The following SP100 variants were observed in gnomAD, a reference collection of about 807,000 sequenced individuals.
The protein encoded by SP100 is nuclear autoantigen Sp-100.
Under a neutral mutation model 130.0 loss-of-function variants are expected in SP100, and 84 were observed. That is an observed-to-expected ratio of 0.65 (90% CI 0.54 to 0.77). SP100 has a LOEUF of 0.77. Among genes scored for constraint, SP100 ranks in the 30% least tolerant of loss-of-function variants. The pLI is 0.00. For missense variants in SP100, 978 were observed against 1,052.2 expected (o/e 0.93, Z 0.97); for synonymous variants, 331 against 351.7 (o/e 0.94, Z 0.66).
intron 2 of SP100, among the ~76,000 whole-genome samples, chr2:230,438,077 C>T (rs1333468008): frequency 6.6e-6 from 1 of 152,022 alleles, no homozygotes; most frequent in Non-Finnish European, 1.5e-5. Flanking sequence ...CAGTTGCATA[C>T]CATAACTTGC....
intron 14 of SP100, 190 bp from the exon 15 acceptor site, chr2:230,469,825 C>T (rs1403539679): frequency 6.7e-7 from 1 of 1,495,778 alleles, no homozygotes; most frequent in South Asian, 1.2e-5. Flanking sequence ...CAGCCCCAGC[C>T]TCAGAGAGGG....
At chr2:230,496,350 A>G (rs1575743074) in intron 18 of SP100, among the ~76,000 whole-genome samples, 2 of 152,188 alleles carry the variant, frequency 1.3e-5, no homozygotes, top group South Asian at 2.1e-4. Flanking sequence ...GTGAGCTGAT[A>G]TAATATTAAA....
At chr2:230,519,898 T>C (rs1248365367) in intron 24 of SP100, among the ~76,000 whole-genome samples, 30 of 152,194 alleles carry the variant, frequency 2.0e-4, no homozygotes, top group Non-Finnish European at 1.0e-4. Context: ...ATCTAAGTAC[T>C]TGCAAGAAGA....
In SP100 at chr2:230,445,846, G is replaced by A. The variant is rs148901272; in HGVS notation, c.440-973G>A. Among the ~76,000 whole-genome samples the A allele has an allele frequency of 2.7e-3, 410 of 152,094 alleles. 1 individual carries two copies. The highest frequency in any genetic ancestry group is 0.014 in the Middle Eastern group (4 of 294). ...CACAACTCACGTCTTAGTTTCTGGCGCTCCTTGTGCTTGGGTGACCTGCCC... is the reference window on the plus strand; with the variant it reads ...CACAACTCACGTCTTAGTTTCTGGCACTCCTTGTGCTTGGGTGACCTGCCC... On this transcript the variant is annotated intron_variant, in intron 4 of 28. Coordinates refer to ENST00000340126, the MANE Select transcript of SP100 (RefSeq NM_001080391.2).
At chr2:230,480,631 G>A (rs780859626) in intron 17 of SP100, among the ~76,000 whole-genome samples, 39 of 152,190 alleles carry the variant, frequency 2.6e-4, no homozygotes, top group Non-Finnish European at 4.6e-4. Flanking sequence ...GGGGGTAGAC[G>A]GCAGGTGTGT....
intron 24 of SP100, among the ~76,000 whole-genome samples, chr2:230,522,575 G>T (rs766081853): frequency 1.5e-5 from 2 of 134,834 alleles, no homozygotes; most frequent in African/African-American, 5.7e-5. Context: ...TGCTACCTCT[G>T]CCTCCTGGGT....
chr2:230,475,881 G>T (rs1454767885), intron 17 of SP100, among the ~76,000 whole-genome samples: 1 of 152,138 alleles, frequency 6.6e-6, no homozygotes, highest in Non-Finnish European at 1.5e-5. Flanking sequence ...TCTCTGTTCT[G>T]TTCCACTGGT....
At chr2:230,539,420 C>T in intron 25 of SP100, 38 bp downstream of exon 25, 1 of 1,428,650 alleles carries the variant, frequency 7.0e-7, no homozygotes, top group South Asian at 1.1e-5. Context: ...GCCCTTCCTT[C>T]TTGTGGTACA....
rs761555514 is a variant in SP100, at chr2:230,504,308, T to G, written c.1870+18T>G. 1 of 1,390,638 alleles carries G rather than the reference T, an allele frequency of 7.2e-7. No individual in the cohort carries two copies. 86.1% of individuals were successfully genotyped at this position (1,390,638 alleles called of 1,614,324 possible). Reference sequence around the variant, plus strand: ...CAAACAAGGTGAGTTTACTGGTCCATCTACGATTTTCAGCTGGAAAATATC... The same window carrying G: ...CAAACAAGGTGAGTTTACTGGTCCAGCTACGATTTTCAGCTGGAAAATATC... On this transcript the variant is annotated intron_variant, in intron 21 of 28. Coordinates refer to ENST00000340126, the MANE Select transcript of SP100 (RefSeq NM_001080391.2).
intron 24 of SP100, among the ~76,000 whole-genome samples, chr2:230,532,193 G>T (rs1341745249): frequency 6.6e-6 from 1 of 151,974 alleles, no homozygotes; most frequent in East Asian, 1.9e-4. Flanking sequence ...GATCTAGAGA[G>T]CTGTAAGAGC....
At chr2:230,453,085 G>T (rs1332877258) in intron 8 of SP100, among the ~76,000 whole-genome samples, 6 of 152,180 alleles carry the variant, frequency 3.9e-5, no homozygotes. Flanking sequence ...CAAGAGTTCA[G>T]CATGGCTGGA....
intron 8 of SP100, among the ~76,000 whole-genome samples, chr2:230,458,219 G>A (rs2064387127): frequency 6.6e-6 from 1 of 152,140 alleles, no homozygotes; most frequent in Non-Finnish European, 1.5e-5. Flanking sequence ...ATAAACAGAT[G>A]ATAACACATA....
Position 230,498,536 on chromosome 2 carries a change from G to GT in SP100, c.1720+2dup, listed in dbSNP as rs1334250059. 3 of 1,355,434 alleles carry GT rather than the reference G, an allele frequency of 2.2e-6. No homozygotes were observed. Among genetic ancestry groups the GT allele is most frequent in the Non-Finnish European group, 2.9e-6 (3 of 1,038,692 alleles). 84.0% of individuals were successfully genotyped at this position (1,355,434 alleles called of 1,614,324 possible). On this transcript the variant is annotated splice_donor_variant, in intron 19 of 28. Coordinates refer to ENST00000340126, the MANE Select transcript of SP100 (RefSeq NM_001080391.2). LOFTEE classifies it high-confidence loss of function. Reference sequence around the variant, plus strand: ...CAAAAGAAAAGATGGCAACAAAGAGGTAAAAAAAAAAAAATACATTTTAAA... The same window carrying GT: ...CAAAAGAAAAGATGGCAACAAAGAGGTTAAAAAAAAAAAAATACATTTTAAA...
intron 15 of SP100, among the ~76,000 whole-genome samples, chr2:230,471,068 T>C (rs993912158): frequency 3.9e-5 from 6 of 152,214 alleles, no homozygotes; most frequent in African/African-American, 1.4e-4. Context: ...TGGAACCAGC[T>C]ATATAATATA....
At chr2:230,501,576 G>C (rs1159896363) in intron 19 of SP100, among the ~76,000 whole-genome samples, 1 of 152,284 alleles carries the variant, frequency 6.6e-6, no homozygotes, top group African/African-American at 2.4e-5. Context: ...CTTTATGCTA[G>C]ATTGAAGGAA....
chr2:230,524,109 G>A (rs1334241472), intron 24 of SP100, among the ~76,000 whole-genome samples: 2 of 146,576 alleles, frequency 1.4e-5, no homozygotes, highest in African/African-American at 5.1e-5. Flanking sequence ...CGAGGCAGGT[G>A]GATCACCTGA....
intron 24 of SP100, among the ~76,000 whole-genome samples, chr2:230,534,392 C>A (rs1350316056): frequency 6.6e-6 from 1 of 152,100 alleles, no homozygotes; most frequent in Non-Finnish European, 1.5e-5. Flanking sequence ...GGTGACAGAG[C>A]GAGACTCCGT....
chr2:230,476,623 T>C (rs894955017), intron 17 of SP100, among the ~76,000 whole-genome samples: 1 of 152,212 alleles, frequency 6.6e-6, no homozygotes, highest in Admixed American at 6.5e-5. Flanking sequence ...TTTTGGAATA[T>C]AGTTTTATTT....
chr2:230,529,768 A>T (rs976475367), intron 24 of SP100, among the ~76,000 whole-genome samples: 3 of 152,230 alleles, frequency 2.0e-5, no homozygotes, highest in Non-Finnish European at 2.9e-5. Flanking sequence ...AATCACAAGC[A>T]TTCCTATACA....
Sources: allele counts gnomAD v4.1 joint callset (sites outside exome capture counted in the v4.1 genomes callset), GRCh38; gene constraint gnomAD v4.1.1; transcripts MANE v1.5; gene names NCBI Gene and HGNC (gene_info 2026-07-23, HGNC 2026-07-21).